GNB5: variants seen among roughly 807,000 people sequenced by gnomAD.
The protein encoded by GNB5 is guanine nucleotide-binding protein subunit beta-5.
In GNB5, 37 loss-of-function variants were observed where a neutral mutation model predicts 55.3. The ratio of observed to expected loss-of-function variants is 0.67; its 90% CI spans 0.51 to 0.88. The LOEUF is 0.88. Among genes scored for constraint, GNB5 ranks in the 40% least tolerant of loss-of-function variants. The probability of loss-of-function intolerance (pLI) is 0.00; values close to 1 mark genes in which losing one functional copy is unlikely to be tolerated. For synonymous variants in GNB5, 219 were observed against 198.5 expected (o/e 1.10, Z -0.87); for missense variants, 476 against 515.3 (o/e 0.92, Z 0.74).
chr15:52,132,755 A>T (rs2033611581), intron 9 of GNB5, among the ~76,000 whole-genome samples: 1 of 151,668 alleles, frequency 6.6e-6, no homozygotes, highest in Non-Finnish European at 1.5e-5. Context: ...TTTTAAAGGC[A>T]AAACATGATC....
At chr15:52,136,113 AACAC>A (rs751263225) in intron 7 of GNB5, among the ~76,000 whole-genome samples, 862 of 50,688 alleles carry the variant, frequency 0.017, 13 homozygotes, top group Admixed American at 0.019. Context: ...AAAAGCAGAA[AACAC>A]ACACACACAC....
At chr15:52,137,907 T>C in intron 7 of GNB5, 1 of 1,286,652 alleles carries the variant, frequency 7.8e-7, no homozygotes, top group Non-Finnish European at 1.0e-6. Context: ...GCAGCATAAG[T>C]GTCCACAAGA....
At chr15:52,155,906 G>A (rs774801709) in intron 3 of GNB5, among the ~76,000 whole-genome samples, 3 of 152,088 alleles carry the variant, frequency 2.0e-5, no homozygotes, top group Non-Finnish European at 4.4e-5. Context: ...GTCTTGTTAG[G>A]GAGGTACTCT....
At chr15:52,191,206 C>T (rs1171118083) in intron 1 of GNB5, 116 bp downstream of exon 1, 3 of 152,074 alleles carry the variant, frequency 2.0e-5, no homozygotes, top group Non-Finnish European at 4.4e-5. Flanking sequence ...AAACCCCTCA[C>T]CCATGCTCCC....
chr15:52,141,790 C>T (rs2141201499), intron 6 of GNB5, among the ~76,000 whole-genome samples: 1 of 152,278 alleles, frequency 6.6e-6, no homozygotes, highest in South Asian at 2.1e-4. Flanking sequence ...GAACATTCTC[C>T]TGTCTATCTA....
intron 7 of GNB5, 66 bp downstream of exon 7, chr15:52,141,074 T>C (rs1017734407): frequency 1.4e-6 from 2 of 1,465,928 alleles, no homozygotes; most frequent in African/African-American, 2.8e-5. Context: ...GAAAGCTTCC[T>C]CTCCTCTCAG....
intron 3 of GNB5, among the ~76,000 whole-genome samples, chr15:52,158,230 C>T (rs1193011349): frequency 1.3e-5 from 2 of 152,098 alleles, no homozygotes; most frequent in Non-Finnish European, 2.9e-5. Flanking sequence ...TGTCGCACAC[C>T]AGCTGCACAA....
chr15:52,148,095 C>T (rs1596075935), intron 5 of GNB5, among the ~76,000 whole-genome samples: 2 of 151,970 alleles, frequency 1.3e-5, no homozygotes, highest in South Asian at 4.2e-4. Flanking sequence ...TTACTTCCTC[C>T]TTAATGTCAT....
chr15:52,190,997 G>A (rs1311525654), intron 1 of GNB5, among the ~76,000 whole-genome samples: 2 of 152,054 alleles, frequency 1.3e-5, no homozygotes, highest in Non-Finnish European at 2.9e-5. Flanking sequence ...TGTACTCAGA[G>A]GCTTATGTTG....
At chr15:52,134,127 C>G (rs1416760713) in intron 8 of GNB5, among the ~76,000 whole-genome samples, 2 of 152,234 alleles carry the variant, frequency 1.3e-5, no homozygotes, top group Non-Finnish European at 2.9e-5. Context: ...AGTCAATGCT[C>G]TCTTCAGGTT....
chr15:52,153,965 T>G lies in GNB5; in HGVS notation c.350A>C (p.Lys117Thr). 6.2e-7 allele frequency: 1 copy of G among 1,613,828 alleles called. No individual in the cohort carries two copies. The highest frequency in any genetic ancestry group is 8.5e-7 in the Non-Finnish European group (1 of 1,179,764). ...CTGTGACGAGCTCACGATCCTCCTCTTATCTTTGCACCAGTCCATGCACAG... is the reference window on the plus strand; with the variant it reads ...CTGTGACGAGCTCACGATCCTCCTCGTATCTTTGCACCAGTCCATGCACAG... Reference protein sequence around the residue: ...KVLCMDWCKDKRRIVSSSQDG... With the variant: ...KVLCMDWCKDTRRIVSSSQDG... Residue 117 changes from lysine (K) to threonine (T), a missense_variant, in exon 4 of 13, where the codon AAG (lysine) becomes ACG (threonine). Transcript: ENST00000261837.
chr15:52,167,085 G>A (rs2034465496), intron 3 of GNB5, among the ~76,000 whole-genome samples: 1 of 152,102 alleles, frequency 6.6e-6, no homozygotes, highest in African/African-American at 2.4e-5. Flanking sequence ...AGAAGAAATA[G>A]ATAAATTCCT....
chr15:52,173,952 C>CGATA (rs1218271764), intron 3 of GNB5, among the ~76,000 whole-genome samples: 17 of 152,116 alleles, frequency 1.1e-4, no homozygotes, highest in African/African-American at 4.1e-4. Flanking sequence ...GAACCAGTGG[C>CGATA]GATACTATCT....
intron 5 of GNB5, among the ~76,000 whole-genome samples, chr15:52,148,498 G>T (rs930414978): frequency 6.6e-6 from 1 of 152,170 alleles, no homozygotes. Flanking sequence ...TCTTGGTGGT[G>T]GTAGAACCAG....
At chr15:52,124,032 GA>G (rs1296904436) in intron 12 of GNB5, among the ~76,000 whole-genome samples, 1 of 126,446 alleles carries the variant, frequency 7.9e-6, no homozygotes, top group African/African-American at 3.0e-5. Flanking sequence ...AAAAAAGGAA[GA>G]AAAAAGTAAT....
At chr15:52,189,723 G>A (rs1331663669) in intron 1 of GNB5, among the ~76,000 whole-genome samples, 1 of 152,208 alleles carries the variant, frequency 6.6e-6, no homozygotes, top group Non-Finnish European at 1.5e-5. Flanking sequence ...CCAGTAGACT[G>A]CTATTCAGCA....
intron 3 of GNB5, among the ~76,000 whole-genome samples, chr15:52,160,231 A>G (rs2034302181): frequency 6.6e-6 from 1 of 152,236 alleles, no homozygotes; most frequent in Non-Finnish European, 1.5e-5. Flanking sequence ...TACAGGCATG[A>G]GCCACTGCGC....
chr15:52,142,274 A>G (rs1444798999), intron 6 of GNB5, among the ~76,000 whole-genome samples: 2 of 152,250 alleles, frequency 1.3e-5, no homozygotes, highest in Admixed American at 1.3e-4. Context: ...ATATTTTGAG[A>G]CCATAAAAAT....
At chr15:52,169,538 CAAAAAAA>C (rs60470864) in intron 3 of GNB5, among the ~76,000 whole-genome samples, 18 of 71,484 alleles carry the variant, frequency 2.5e-4, no homozygotes, top group African/African-American at 6.5e-4. Context: ...GACTCTGTCT[CAAAAAAA>C]AAAAAAAAAA....
Sources: allele counts gnomAD v4.1 joint callset (sites outside exome capture counted in the v4.1 genomes callset), GRCh38; gene constraint gnomAD v4.1.1; transcripts MANE v1.5; gene names NCBI Gene and HGNC (gene_info 2026-07-23, HGNC 2026-07-21).